CSMD1: variants seen among roughly 807,000 people sequenced by gnomAD.
CSMD1 encodes CUB and Sushi multiple domains 1.
In CSMD1, 213 loss-of-function variants were observed where a neutral mutation model predicts 417.5. That is an observed-to-expected ratio of 0.51 (90% CI 0.46 to 0.57). The LOEUF (loss-of-function observed/expected upper bound fraction) is 0.57. CSMD1 is among the 20% of genes least tolerant of loss of function. The probability of loss-of-function intolerance (pLI) is 0.00; values close to 1 mark genes in which losing one functional copy is unlikely to be tolerated. For missense variants in CSMD1, 6,923 were observed against 4,529.7 expected, an observed-to-expected ratio of 1.53 and a Z score of -15.17; for synonymous variants, 2,862 against 1,736.8, an observed-to-expected ratio of 1.65 and a Z score of -16.11.
chr8:4,244,287 G>A lies in CSMD1; in HGVS notation c.415+175666C>T, dbSNP rs375900172. On this transcript the variant is annotated intron_variant, in intron 3 of 69. Transcript: ENST00000635120. ...ACTGAGAGCAGGCCCCCGGGTCTTCGGGAAACACTATGCAGTCTTGTCTCC... is the reference window on the plus strand; with the variant it reads ...ACTGAGAGCAGGCCCCCGGGTCTTCAGGAAACACTATGCAGTCTTGTCTCC... 1.1e-4 allele frequency among the ~76,000 whole-genome samples: 17 copies of A among 152,174 alleles called. No homozygotes were observed. The East Asian group carries it at 2.7e-3, about 24-fold the overall frequency.
At chr8:4,563,760 C>T (rs1272402711) in intron 2 of CSMD1, among the ~76,000 whole-genome samples, 1 of 152,114 alleles carries the variant, frequency 6.6e-6, no homozygotes, top group Admixed American at 6.6e-5. Context: ...CATGACTAGA[C>T]CATCGGTGCA....
intron 3 of CSMD1, among the ~76,000 whole-genome samples, chr8:4,232,116 A>C (rs1801768749): frequency 6.6e-6 from 1 of 152,210 alleles, no homozygotes; most frequent in Non-Finnish European, 1.5e-5. Flanking sequence ...TGATACTTTC[A>C]AGATTTTCAC....
At chr8:3,870,194 G>T (rs946521764) in intron 5 of CSMD1, among the ~76,000 whole-genome samples, 7 of 152,072 alleles carry the variant, frequency 4.6e-5, no homozygotes, top group African/African-American at 1.4e-4. Flanking sequence ...AGAAAGTCAA[G>T]AAGAAAATGT....
intron 2 of CSMD1, among the ~76,000 whole-genome samples, chr8:4,474,194 T>G (rs1349043163): frequency 2.0e-5 from 3 of 152,156 alleles, no homozygotes. Context: ...AGTGAAAATT[T>G]AAATGTAAGA....
At chr8:4,868,453 C>G (rs888165891) in intron 1 of CSMD1, among the ~76,000 whole-genome samples, 18 of 151,954 alleles carry the variant, frequency 1.2e-4, no homozygotes, top group Admixed American at 2.0e-4. Flanking sequence ...TCAGGCTGGT[C>G]TCAAACTCCT....
intron 3 of CSMD1, among the ~76,000 whole-genome samples, chr8:4,254,183 A>T (rs1714763): frequency 2.0e-5 from 3 of 152,012 alleles, no homozygotes; most frequent in Non-Finnish European, 4.4e-5. Flanking sequence ...TCCCAAAGTG[A>T]TGGGACTGCA....
intron 3 of CSMD1, among the ~76,000 whole-genome samples, chr8:4,041,164 C>T (rs1285057971): frequency 5.9e-5 from 9 of 151,664 alleles, no homozygotes; most frequent in Non-Finnish European, 1.0e-4. Context: ...CTACAGGCGC[C>T]CGCCACCACG....
At chr8:4,434,357 C>T (rs889665727) in intron 2 of CSMD1, among the ~76,000 whole-genome samples, 4 of 152,284 alleles carry the variant, frequency 2.6e-5, no homozygotes, top group African/African-American at 9.6e-5. Flanking sequence ...CAGCATGAGA[C>T]TGTCTCTAAC....
intron 3 of CSMD1, among the ~76,000 whole-genome samples, chr8:4,334,143 G>A (rs534566388): frequency 1.3e-5 from 2 of 152,196 alleles, no homozygotes; most frequent in South Asian, 4.2e-4. Context: ...CCGAACTCAA[G>A]ATATCCTCTG....
chr8:2,999,401 G>C (rs1172603055), intron 53 of CSMD1, among the ~76,000 whole-genome samples: 1 of 152,066 alleles, frequency 6.6e-6, no homozygotes, highest in Non-Finnish European at 1.5e-5. Context: ...TGATCCACCT[G>C]CCTCAGCCTC....
At chr8:4,416,040 T>G (rs1796919473) in intron 3 of CSMD1, among the ~76,000 whole-genome samples, 1 of 152,166 alleles carries the variant, frequency 6.6e-6, no homozygotes. Context: ...ACTTAGACAA[T>G]TTCCGTGAAG....
At chr8:4,319,909 G>A (rs932409694) in intron 3 of CSMD1, among the ~76,000 whole-genome samples, 2 of 152,240 alleles carry the variant, frequency 1.3e-5, no homozygotes, top group South Asian at 2.1e-4. Context: ...AGATCCACCG[G>A]AAAGCAGTAG....
chr8:3,250,935 T>A (rs1241642299), intron 26 of CSMD1, among the ~76,000 whole-genome samples: 1 of 152,230 alleles, frequency 6.6e-6, no homozygotes, highest in East Asian at 1.9e-4. Flanking sequence ...GTAAATTTGT[T>A]TGAGTTCATT....
chr8:3,048,400 G>A (rs1273796365), intron 50 of CSMD1, among the ~76,000 whole-genome samples: 3 of 152,098 alleles, frequency 2.0e-5, no homozygotes, highest in African/African-American at 7.2e-5. Context: ...TGTGTCAATG[G>A]AACAGAATAC....
chr8:4,333,528 A>T (rs1252737695), intron 3 of CSMD1, among the ~76,000 whole-genome samples: 1 of 152,208 alleles, frequency 6.6e-6, no homozygotes, highest in African/African-American at 2.4e-5. Flanking sequence ...TAAAGTGCTT[A>T]AACAGTGAAA....
chr8:3,671,889 C>A (rs13272712), intron 7 of CSMD1, among the ~76,000 whole-genome samples: 60,401 of 151,710 alleles, frequency 0.4, 12,272 homozygotes, highest in Admixed American at 0.54. Flanking sequence ...ATGGGGCACC[C>A]ACCCTCATTT....
At chr8:4,993,628 A>G (rs999269636) in intron 1 of CSMD1, among the ~76,000 whole-genome samples, 1 of 152,152 alleles carries the variant, frequency 6.6e-6, no homozygotes, top group Non-Finnish European at 1.5e-5. Flanking sequence ...GTGCGCCCAC[A>G]GTGAATGTAT....
chr8:4,215,961 A>G (rs1323438995), intron 3 of CSMD1, among the ~76,000 whole-genome samples: 1 of 152,168 alleles, frequency 6.6e-6, no homozygotes, highest in Non-Finnish European at 1.5e-5. Context: ...TTTTGTTGGC[A>G]TTTTTATCCA....
intron 47 of CSMD1, among the ~76,000 whole-genome samples, chr8:3,095,335 C>T (rs1358785944): frequency 6.6e-6 from 1 of 152,144 alleles, no homozygotes; most frequent in African/African-American, 2.4e-5. Flanking sequence ...GTTTACCTCT[C>T]TTCTTCCTCA....
Sources: allele counts gnomAD v4.1 joint callset (sites outside exome capture counted in the v4.1 genomes callset), GRCh38; gene constraint gnomAD v4.1.1; transcripts MANE v1.5; gene names NCBI Gene and HGNC (gene_info 2026-07-23, HGNC 2026-07-21).